The following HPSE2 variants were observed in gnomAD, a reference collection of about 807,000 sequenced individuals.
The protein encoded by HPSE2 is inactive heparanase-2.
A neutral mutation model predicts 60.5 loss-of-function variants in HPSE2; 38 were observed. The ratio of observed to expected loss-of-function variants is 0.63; its 90% confidence interval spans 0.48 to 0.82. The LOEUF (loss-of-function observed/expected upper bound fraction) is 0.82. HPSE2 is among the 40% of genes least tolerant of loss of function. The pLI, the probability that HPSE2 is intolerant of heterozygous loss-of-function variation, is 0.00. For synonymous variants in HPSE2, 295 were observed against 293.2 expected (o/e 1.01, Z -0.06); for missense variants, 713 against 740.4 (o/e 0.96, Z 0.43).
intron 5 of HPSE2, among the ~76,000 whole-genome samples, chr10:98,708,903 T>C (rs1948611529): frequency 6.6e-6 from 1 of 152,112 alleles, no homozygotes; most frequent in African/African-American, 2.4e-5. Flanking sequence ...TGAAGAAAAA[T>C]AATTAGATAC....
At chr10:99,139,200 TG>T (rs1217287052) in intron 3 of HPSE2, among the ~76,000 whole-genome samples, 1 of 152,096 alleles carries the variant, frequency 6.6e-6, no homozygotes, top group African/African-American at 2.4e-5. Context: ...AACCAAATAA[TG>T]TATATTCTCA....
intron 6 of HPSE2, among the ~76,000 whole-genome samples, chr10:98,642,402 A>G (rs1046034472): frequency 6.6e-6 from 1 of 152,176 alleles, no homozygotes; most frequent in Non-Finnish European, 1.5e-5. Context: ...CACGAAAGCA[A>G]AAATCTGACT....
rs6144046 is a variant in HPSE2 at position 98,552,293 on chromosome 10, G to GATC, written c.1321-62100_1321-62098dup. 4.6e-3 allele frequency among the ~76,000 whole-genome samples: 692 copies of GATC among 151,246 alleles called. 4 individuals are homozygous for GATC. The highest frequency in any genetic ancestry group is 0.011 in the African/African-American group (453 of 41,296). On this transcript the variant is annotated intron_variant, in intron 9 of 11. Transcript: ENST00000370552. ...TTACTTAGCCTCTCTGTGTAATGGA[G>GATC]ATCATCATCATCATCATCATCATCA...
At chr10:99,203,591 C>G (rs540732254) in intron 2 of HPSE2, among the ~76,000 whole-genome samples, 1 of 152,156 alleles carries the variant, frequency 6.6e-6, no homozygotes, top group East Asian at 1.9e-4. Context: ...CCCATCCCAA[C>G]AGACTCCTGC....
At chr10:98,916,931 C>T (rs1183619280) in intron 3 of HPSE2, among the ~76,000 whole-genome samples, 1 of 152,132 alleles carries the variant, frequency 6.6e-6, no homozygotes, top group African/African-American at 2.4e-5. Flanking sequence ...CATTTGTTTA[C>T]CATGCCTCCT....
the HPSE2 span, among the ~76,000 whole-genome samples, chr10:99,259,009 A>C: frequency 6.6e-6 from 1 of 152,222 alleles, no homozygotes; most frequent in South Asian, 2.1e-4. Context: ...AATGTAATAA[A>C]AGACTTTGTG....
At chr10:99,016,002 T>C (rs1957132292) in intron 3 of HPSE2, among the ~76,000 whole-genome samples, 1 of 152,156 alleles carries the variant, frequency 6.6e-6, no homozygotes, top group African/African-American at 2.4e-5. Context: ...ATTTACTCTG[T>C]TAATAGTTTC....
intron 3 of HPSE2, among the ~76,000 whole-genome samples, chr10:98,763,352 T>C (rs1950048653): frequency 6.6e-6 from 1 of 151,574 alleles, no homozygotes; most frequent in African/African-American, 2.4e-5. Flanking sequence ...TCTCAGTGAC[T>C]CTCAAAACAA....
the HPSE2 span, among the ~76,000 whole-genome samples, chr10:99,278,837 G>C: frequency 6.6e-6 from 1 of 152,178 alleles, no homozygotes; most frequent in African/African-American, 2.4e-5. Context: ...TCACACAGTA[G>C]GTGTTCAGTA....
At chr10:98,988,279 AC>A (rs1956424089) in intron 3 of HPSE2, among the ~76,000 whole-genome samples, 7 of 152,422 alleles carry the variant, frequency 4.6e-5, no homozygotes, top group African/African-American at 1.7e-4. Context: ...ACAGCATGCT[AC>A]TGGTACCAAA....
intron 4 of HPSE2, among the ~76,000 whole-genome samples, chr10:98,730,199 C>A (rs1949193794): frequency 6.6e-6 from 1 of 151,928 alleles, no homozygotes; most frequent in Non-Finnish European, 1.5e-5. Context: ...ATTGAGAAAT[C>A]CCCAAATATT....
intron 3 of HPSE2, among the ~76,000 whole-genome samples, chr10:98,944,653 G>T (rs550762228): frequency 6.6e-6 from 1 of 152,230 alleles, no homozygotes; most frequent in Middle Eastern, 3.4e-3. Flanking sequence ...GAAGGGATTA[G>T]AAAGGTCAAT....
chr10:98,855,384 G>C (rs1952287670), intron 3 of HPSE2, among the ~76,000 whole-genome samples: 1 of 152,068 alleles, frequency 6.6e-6, no homozygotes, highest in African/African-American at 2.4e-5. Flanking sequence ...AGCTGCCCTT[G>C]GTGGTTCAGG....
chr10:98,557,733 G>T (rs1481849901), intron 9 of HPSE2, among the ~76,000 whole-genome samples: 2 of 152,178 alleles, frequency 1.3e-5, no homozygotes, highest in Non-Finnish European at 2.9e-5. Flanking sequence ...GGCGGATCAT[G>T]AGGTCAAGAG....
chr10:99,273,722 CAGAT>C, the HPSE2 span, among the ~76,000 whole-genome samples: 4 of 152,252 alleles, frequency 2.6e-5, no homozygotes, highest in East Asian at 5.8e-4. Flanking sequence ...GAAGGACAGA[CAGAT>C]GGATGATGGA....
intron 3 of HPSE2, among the ~76,000 whole-genome samples, chr10:99,082,673 C>T (rs1365412695): frequency 6.6e-6 from 1 of 152,120 alleles, no homozygotes; most frequent in Non-Finnish European, 1.5e-5. Context: ...TTGTTCACTG[C>T]TAAATTTATA....
chr10:98,518,380 A>G lies in HPSE2; in HGVS notation c.1321-28184T>C, dbSNP rs146362116. On this transcript the variant is annotated intron_variant, in intron 9 of 11. Transcript: ENST00000370552. ...GATGAGACCATCACCTTGGGCAAAA[A>G]CTTTCCCTCTAAGCCTCAGAATCCT... 1.2e-4 allele frequency among the ~76,000 whole-genome samples: 19 copies of G among 152,138 alleles called. No homozygotes were observed. The East Asian group carries it at 3.3e-3, about 26-fold the overall frequency.
chr10:99,113,299 A>T (rs919881386), intron 3 of HPSE2, among the ~76,000 whole-genome samples: 1 of 152,188 alleles, frequency 6.6e-6, no homozygotes, highest in African/African-American at 2.4e-5. Flanking sequence ...GTACATGGTA[A>T]ATACAGAATC....
chr10:98,602,780 C>T (rs1345124280), intron 9 of HPSE2, among the ~76,000 whole-genome samples: 1 of 152,122 alleles, frequency 6.6e-6, no homozygotes, highest in African/African-American at 2.4e-5. Flanking sequence ...TGAATCTCTA[C>T]CTCATATCAT....
Sources: gnomAD v4.1 joint callset for allele counts (sites outside exome capture counted in the v4.1 genomes callset) on GRCh38, gnomAD v4.1.1 for gene constraint, MANE v1.5 for transcripts, NCBI Gene and HGNC (gene_info 2026-07-23, HGNC 2026-07-21) for gene names.